DYRK1B: variants seen among roughly 807,000 people sequenced by gnomAD.
DYRK1B encodes the protein dual specificity tyrosine phosphorylation regulated kinase 1B.
Under a neutral mutation model 57.1 loss-of-function variants are expected in DYRK1B, and 20 were observed. The ratio of observed to expected loss-of-function variants is 0.35; its 90% confidence interval spans 0.25 to 0.51. The LOEUF is 0.51. Ranked by LOEUF, DYRK1B falls within the 20% of genes least tolerant of loss-of-function variation. The pLI is 0.96. For synonymous variants in DYRK1B, 409 were observed against 384.7 expected (o/e 1.06, Z -0.74); for missense variants, 732 against 886.3 (o/e 0.83, Z 2.21).
intron 5 of DYRK1B, among the ~76,000 whole-genome samples, chr19:39,829,212 T>C (rs185433682): frequency 1.5e-3 from 234 of 151,932 alleles, no homozygotes; most frequent in Non-Finnish European, 2.6e-3. Flanking sequence ...TTATTAGGTT[T>C]GGTTTTTTGT....
intron 2 of DYRK1B, among the ~76,000 whole-genome samples, 170 bp downstream of exon 2, chr19:39,831,635 C>T (rs2145034467): frequency 6.6e-6 from 1 of 152,362 alleles, no homozygotes; most frequent in Admixed American, 6.5e-5. Flanking sequence ...CCCAGCCTCT[C>T]CAAACCCTGA....
At chr19:39,827,714 C>T (rs1231654025) in intron 6 of DYRK1B, 58 bp from the exon 7 acceptor site, 1 of 1,581,098 alleles carries the variant, frequency 6.3e-7, no homozygotes. Flanking sequence ...CACTGACACC[C>T]CCAAAGCTAA....
rs1196713923 is a variant in DYRK1B, at chr19:39,825,510, G to C, written c.*205C>G. ...TAAATAGAAAAAAAGGGGGAGAGGG[G>C]CCCAAGGGTCCAGTCCTTAGTGGGG... On this transcript the variant is annotated 3_prime_UTR_variant, in exon 11 of 11. Coordinates refer to ENST00000323039, the MANE Select transcript of DYRK1B (RefSeq NM_004714.3). 4 of 587,572 alleles carry C rather than the reference G, an allele frequency of 6.8e-6. No individual in the cohort carries two copies. The East Asian group carries it at 1.2e-4, about 17-fold the overall frequency. 36.4% of individuals were successfully genotyped at this position (587,572 alleles called of 1,614,324 possible). A position where few individuals can be genotyped will look rare whatever the true frequency, so the allele number is the denominator to read the frequency against.
chr19:39,830,148 C>G, intron 4 of DYRK1B, 121 bp from the exon 5 acceptor site: 2 of 1,316,742 alleles, frequency 1.5e-6, no homozygotes, highest in Non-Finnish European at 2.1e-6. Context: ...CAGCTGAGTG[C>G]GCACCATTAG....
Position 39,826,535 on chromosome 19 carries a change from CCATCCCACACGT to C in DYRK1B, c.1411+125_1411+136del. The stretch of plus-strand genomic sequence containing the variant: ...TGTGTCAGGGCCAGTTGGAGCTCTC[CCATCCCACACGT>C]CATCTTACAGTTCAGGATCAGTTTC... On this transcript the variant is annotated intron_variant, in intron 9 of 10. Coordinates refer to ENST00000323039, the MANE Select transcript of DYRK1B (RefSeq NM_004714.3). This position sits in a 1 kb window ranked among gnomAD's most constrained non-coding sequence, Gnocchi z 6.3. 1.9e-6 allele frequency: 2 copies of C among 1,069,792 alleles called. No homozygotes were observed. Among genetic ancestry groups the C allele is most frequent in the South Asian group, 3.5e-5 (2 of 57,236 alleles). The allele number at this position is 1,069,792 out of a possible 1,614,324, so 66.3% of individuals were successfully genotyped here.
rs761239809 is a variant in DYRK1B at position 39,828,614 on chromosome 19, A to G, written c.521-31T>C. On this transcript the variant is annotated intron_variant, in intron 5 of 10. Coordinates refer to ENST00000323039, the MANE Select transcript of DYRK1B (RefSeq NM_004714.3). This position sits in a 1 kb window ranked among gnomAD's most constrained non-coding sequence, Gnocchi z 4.3. ...GGGGAGGGGAGGAAATGGGCCAGAG[A>G]AGAAACGGCTCAGAGAGGGCAGGTG... 1.3e-6 allele frequency: 2 copies of G among 1,589,714 alleles called. No individual in the cohort carries two copies. The highest frequency in any genetic ancestry group is 1.7e-5 in the Admixed American group (1 of 58,548).
At position 39,831,870 on chromosome 19, in the gene DYRK1B, T is replaced by C. The variant is rs1365161669; in HGVS notation, c.-3A>G. On this transcript the variant is annotated 5_prime_UTR_variant, in exon 2 of 11. Transcript: ENST00000323039. The stretch of plus-strand genomic sequence containing the variant: ...CCATGGCCCGGTGGGACGGCCATGG[T>C]GGGCTCAGAGGGCCGCAGGGGAGCG... The C allele has an allele frequency of 1.3e-6, 2 of 1,511,654 alleles. No homozygotes were observed. Among genetic ancestry groups the C allele is most frequent in the Admixed American group, 4.4e-5 (2 of 45,398 alleles). 93.6% of individuals were successfully genotyped at this position (1,511,654 alleles called of 1,614,324 possible). A position where few individuals can be genotyped will look rare whatever the true frequency, so the allele number is the denominator to read the frequency against.
chr19:39,830,541 C>T lies in DYRK1B; in HGVS notation c.206G>A (p.Arg69Gln), dbSNP rs765576879. Residue 69 changes from arginine to glutamine, a missense_variant, in exon 4 of 11, where the codon CGG (arginine) becomes CAG (glutamine). Arg to Gln is a conservative substitution (Grantham distance 43). Around this residue, in one of 2 missense-constraint regions of DYRK1B, gnomAD observed 510 missense variants for 681.3 expected, o/e 0.75. Coordinates refer to ENST00000323039, the MANE Select transcript of DYRK1B (RefSeq NM_004714.3). ...INEVYYAKKK[R>Q]RAQQAPPQDS... ...CTGGGGTGGCGCCTGCTGGGCCCGC[C>T]GCTTCTTCTTCGCATAGTATACCTG... The T allele has an allele frequency of 1.7e-5, 27 of 1,614,032 alleles. No homozygotes were observed. Among genetic ancestry groups the T allele is most frequent in the Middle Eastern group, 1.6e-4 (1 of 6,084 alleles).
At chr19:39,830,621 A>T in intron 3 of DYRK1B, 43 bp downstream of exon 3, 1 of 1,613,194 alleles carries the variant, frequency 6.2e-7, no homozygotes, top group Non-Finnish European at 8.5e-7. Flanking sequence ...CCAGCAGACA[A>T]GACCCTCGGC....
rs538648311 is a variant in DYRK1B, at chr19:39,830,414, G to A, written c.333C>T (p.Tyr111=). 92 of 1,614,150 alleles carry A rather than the reference G, an allele frequency of 5.7e-5. No individual in the cohort carries two copies. In the African/African-American group the frequency reaches 7.7e-4, roughly 14 times the overall value. The part of the protein sequence containing the change: ...VRSGERWLER[Y]EIDSLIGKGS... ...CTTTGCCAATGAGCGAGTCAATTTC[G>A]TAGCGCTCCAGCCAGCGCTCGCCAC... The change falls in exon 4 of 11, where the codon TAC becomes TAT. Residue 111 remains tyrosine (Y), a synonymous_variant. Transcript: ENST00000323039.
At chr19:39,827,048 G>T in intron 8 of DYRK1B, 61 bp from the exon 9 acceptor site, 1 of 1,317,608 alleles carries the variant, frequency 7.6e-7, no homozygotes, top group Non-Finnish European at 1.0e-6. Context: ...AGGAGGGGCA[G>T]GGAGACACAC....
In DYRK1B at chr19:39,828,260, C is replaced by T. The variant is rs775510898; in HGVS notation, c.807+37G>A. On this transcript the variant is annotated intron_variant, in intron 6 of 10. Coordinates refer to ENST00000323039, the MANE Select transcript of DYRK1B (RefSeq NM_004714.3). The surrounding 1 kb of genome is among the most constrained non-coding windows in gnomAD (Gnocchi z 4.3). ...TCCCGTTGGCTCTGCCCCACCCAAACTACTAGCCGTGCTCCCAGGACCGGG... is the reference window on the plus strand; with the variant it reads ...TCCCGTTGGCTCTGCCCCACCCAAATTACTAGCCGTGCTCCCAGGACCGGG... The T allele has an allele frequency of 2.5e-6, 4 of 1,604,664 alleles. No individual in the cohort carries two copies. In the Admixed American group the frequency reaches 6.7e-5, roughly 27 times the overall value.
At position 39,826,728 on chromosome 19, in the gene DYRK1B, G is replaced by C. The variant is rs1156525181; in HGVS notation, c.1355C>G (p.Pro452Arg). The C allele has an allele frequency of 6.2e-7, 1 of 1,602,386 alleles. No individual in the cohort carries two copies. The change falls in exon 9 of 11, where the codon CCC becomes CGC. Residue 452 changes from proline to arginine, a missense_variant. Coordinates refer to ENST00000323039, the MANE Select transcript of DYRK1B (RefSeq NM_004714.3). This position sits in a 1 kb window ranked among gnomAD's most constrained non-coding sequence, Gnocchi z 6.3. ...GPAGSSASTSPAPLDTCPSSS... is the reference protein window; with the variant it reads ...GPAGSSASTSRAPLDTCPSSS... ...AGAGGGGCAGGTGTCGAGGGGCGCG[G>C]GCGAGGTGGAGGCACTGCTGCCTGC...
intron 5 of DYRK1B, among the ~76,000 whole-genome samples, chr19:39,829,236 T>G: frequency 6.6e-6 from 1 of 151,664 alleles, no homozygotes; most frequent in Non-Finnish European, 1.5e-5. Context: ...TTTTGGGTTT[T>G]TTTTTTTTTG....
intron 8 of DYRK1B, 141 bp downstream of exon 8, chr19:39,827,143 TG>T: frequency 3.6e-6 from 3 of 836,334 alleles, no homozygotes; most frequent in African/African-American, 2.7e-5. Flanking sequence ...GGAGATGGGG[TG>T]GGCAGGGGAG....
Position 39,828,168 on chromosome 19 carries a change from C to G in DYRK1B, c.807+129G>C, listed in dbSNP as rs1214472170. The G allele has an allele frequency of 2.8e-6, 3 of 1,078,814 alleles. No individual in the cohort carries two copies. Among genetic ancestry groups the G allele is most frequent in the Non-Finnish European group, 3.9e-6 (3 of 762,458 alleles). 66.8% of individuals were successfully genotyped at this position (1,078,814 alleles called of 1,614,324 possible). A position where few individuals can be genotyped will look rare whatever the true frequency, so the allele number is the denominator to read the frequency against. On this transcript the variant is annotated intron_variant, in intron 6 of 10. Transcript: ENST00000323039. The surrounding 1 kb of genome is among the most constrained non-coding windows in gnomAD (Gnocchi z 4.3). ...GGGCAGTATATTCACACCCCCACCCCAAGCATTATCCCTCAGTTCCCACGG... is the reference window on the plus strand; with the variant it reads ...GGGCAGTATATTCACACCCCCACCCGAAGCATTATCCCTCAGTTCCCACGG...
At chr19:39,832,142 G>A (rs35777544) in intron 1 of DYRK1B, among the ~76,000 whole-genome samples, 174 bp from the exon 2 acceptor site, 1 of 152,112 alleles carries the variant, frequency 6.6e-6, no homozygotes, top group South Asian at 2.1e-4. Flanking sequence ...GCCAGGTGGG[G>A]GGGGATGGCA....
At chr19:39,833,186 CT>C in intron 1 of DYRK1B, 1 of 985,784 alleles carries the variant, frequency 1.0e-6, no homozygotes, top group Non-Finnish European at 1.2e-6. Flanking sequence ...CTCCTCCACC[CT>C]TGGAGCTTCC....
Position 39,826,983 on chromosome 19 carries a change from T to A in DYRK1B, c.1100A>T (p.Tyr367Phe). 2.2e-5 allele frequency: 15 copies of A among 686,014 alleles called. No individual in the cohort carries two copies. The highest frequency in any genetic ancestry group is 2.9e-5 in the Non-Finnish European group (15 of 516,342). 42.5% of individuals were successfully genotyped at this position (686,014 alleles called of 1,614,324 possible). The change falls in exon 9 of 11, where the codon TAC (tyrosine) becomes TTC (phenylalanine). Residue 367 changes from tyrosine (Y) to phenylalanine (F), a missense_variant. Tyr to Phe is a conservative substitution (Grantham distance 22). Transcript: ENST00000323039. This position sits in a 1 kb window ranked among gnomAD's most constrained non-coding sequence, Gnocchi z 6.3. ...LRRTKELRKD[Y>F]QGPGTRRLQE... ...CAGCCGCCGTGTCCCGGGGCCCTGG[T>A]AATCCTGGCAGGGAGGGGGTGGGAG... is the stretch of plus-strand genomic sequence containing the variant.
Sources: gnomAD v4.1 joint callset for allele counts (sites outside exome capture counted in the v4.1 genomes callset) on GRCh38, gnomAD v4.1.1 for gene constraint, gnomAD v4.1.1 regional missense constraint, Gnocchi (gnomAD v3.1) non-coding constraint, MANE v1.5 for transcripts, NCBI Gene and HGNC (gene_info 2026-07-23, HGNC 2026-07-21) for gene names.